CR1: variants seen among roughly 807,000 people sequenced by gnomAD.
CR1 encodes complement C3b/C4b receptor 1 (Knops blood group), also known as complement receptor type 1.
In CR1, 116 loss-of-function variants were observed where a neutral mutation model predicts 187.3. The ratio of observed to expected loss-of-function variants is 0.62; its 90% confidence interval spans 0.53 to 0.72. The LOEUF is 0.72. CR1 is among the 30% of genes least tolerant of loss of function. CR1 has a pLI of 0.00. For synonymous variants in CR1, 576 were observed against 747.1 expected (o/e 0.77, Z 3.73); for missense variants, 1,731 against 2,110.7 (o/e 0.82, Z 3.52).
intron 36 of CR1, among the ~76,000 whole-genome samples, chr1:207,608,298 A>G (rs1191839506): frequency 6.6e-6 from 1 of 152,216 alleles, no homozygotes; most frequent in African/African-American, 2.4e-5. Flanking sequence ...AAGTACATCT[A>G]TGTAGCTACA....
chr1:207,570,520 C>CCCAG (rs1317771580), intron 27 of CR1: 2 of 11,554 alleles, frequency 1.7e-4, no homozygotes, highest in African/African-American at 2.5e-3. Context: ...TCATTATTAT[C>CCCAG]ATGTCTGTGA....
Position 207,568,002 on chromosome 1 carries a change from T to A in CR1, c.4131T>A (p.Asn1377Lys), listed in dbSNP as rs1248982724. 1.2e-6 allele frequency: 2 copies of A among 1,610,610 alleles called. No homozygotes were observed. The highest frequency in any genetic ancestry group is 8.5e-7 in the Non-Finnish European group (1 of 1,179,590). Residue 1377 changes from asparagine (N) to lysine (K), a missense_variant, in exon 25 of 47, where the codon AAT becomes AAA. Around this residue, in one of 5 missense-constraint regions of CR1, gnomAD observed 1,312 missense variants for 1,379.6 expected, o/e 0.95. Coordinates refer to ENST00000367049, the MANE Select transcript of CR1 (RefSeq NM_000651.6). Reference sequence around the variant, plus strand: ...GCTGCACAAGTGACCCTCAAGGGAATGGGGTTTGGAGCAGCCCTGCCCCTC... The same window carrying A: ...GCTGCACAAGTGACCCTCAAGGGAAAGGGGTTTGGAGCAGCCCTGCCCCTC... The part of the protein sequence containing the change: ...TIRCTSDPQG[N>K]GVWSSPAPRC...
intron 27 of CR1, among the ~76,000 whole-genome samples, chr1:207,575,167 A>G (rs1245236728): frequency 6.6e-6 from 1 of 151,914 alleles, no homozygotes; most frequent in African/African-American, 2.4e-5. Flanking sequence ...TTGTATTTAT[A>G]AAAAACATGT....
At chr1:207,595,708 G>A (rs578244012) in intron 35 of CR1, among the ~76,000 whole-genome samples, 22 of 151,046 alleles carry the variant, frequency 1.5e-4, no homozygotes, top group African/African-American at 5.1e-4. Context: ...CCACAAAGCT[G>A]TGGGAGTTTT....
chr1:207,501,303 G>A (rs539033143), intron 1 of CR1, among the ~76,000 whole-genome samples: 3 of 152,124 alleles, frequency 2.0e-5, no homozygotes, highest in Non-Finnish European at 2.9e-5. Context: ...TGATGGAAAC[G>A]TTTATTGTCT....
intron 46 of CR1, among the ~76,000 whole-genome samples, chr1:207,634,500 T>C (rs1214376253): frequency 2.0e-5 from 3 of 152,086 alleles, no homozygotes; most frequent in African/African-American, 7.3e-5. Flanking sequence ...TCCAAAGACA[T>C]AGCTGTGTGT....
Position 207,563,304 on chromosome 1 carries a change from GAA to G in CR1, c.3587-559_3587-558del, listed in dbSNP as rs1460361106. Among the ~76,000 whole-genome samples, 6 of 37,954 alleles carry G rather than the reference GAA, an allele frequency of 1.6e-4. 3 individuals carry two copies. Among genetic ancestry groups the G allele is most frequent in the Admixed American group, 6.6e-4 (2 of 3,034 alleles). 24.9% of individuals were successfully genotyped at this position (37,954 alleles called of 152,430 possible). On this transcript the variant is annotated intron_variant, in intron 21 of 46. Transcript: ENST00000367049. ...CTAGGCAGCACCTGCTACATAGCAT[GAA>G]GAGAGGAGACCCATAGTTCTTTACC...
Position 207,616,404 on chromosome 1 carries a change from C to T in CR1, c.6662-171C>T, listed in dbSNP as rs558214829. Among the ~76,000 whole-genome samples, 4 of 152,330 alleles carry T rather than the reference C, an allele frequency of 2.6e-5. No individual in the cohort carries two copies. The East Asian group carries it at 7.7e-4, about 29-fold the overall frequency. On this transcript the variant is annotated intron_variant, in intron 40 of 46. Transcript: ENST00000367049. ...GCAATAAACTGTAATTTAGGTCTCACTTCAGTTAGTTGCCTCTCAACAAAA... is the reference window on the plus strand; with the variant it reads ...GCAATAAACTGTAATTTAGGTCTCATTTCAGTTAGTTGCCTCTCAACAAAA...
rs147654348 is a variant in CR1, at chr1:207,580,249, C to T, written c.4946C>T (p.Pro1649Leu). ...ELPSCSRVCQ[P>L]PPEILHGEHT... ...ACTGTCCTTTCCACAGTGTGTCAGC[C>T]GCCTCCAGAAATCCTGCATGGTGAG... The change falls in exon 30 of 47, where the codon CCG becomes CTG. Residue 1649 changes from proline to leucine, a missense_variant. Coordinates refer to ENST00000367049, the MANE Select transcript of CR1 (RefSeq NM_000651.6). The T allele has an allele frequency of 3.6e-4, 588 of 1,613,530 alleles. 5 individuals carry two copies. In the African/African-American group the frequency reaches 6.3e-3, roughly 17 times the overall value.
chr1:207,639,293 G>A (rs1194075788), intron 46 of CR1, 104 bp from the exon 47 acceptor site: 1 of 1,047,934 alleles, frequency 9.5e-7, no homozygotes, highest in African/African-American at 1.6e-5. Flanking sequence ...CTGTTATTGT[G>A]GAATAAAGTT....
intron 3 of CR1, among the ~76,000 whole-genome samples, chr1:207,507,825 C>G (rs868535505): frequency 4.0e-4 from 61 of 152,204 alleles, no homozygotes; most frequent in African/African-American, 1.4e-3. Flanking sequence ...AAAAAGAAAT[C>G]TGCACACAGA....
chr1:207,501,064 G>A (rs546102080), intron 1 of CR1, among the ~76,000 whole-genome samples: 3 of 152,256 alleles, frequency 2.0e-5, no homozygotes, highest in Non-Finnish European at 2.9e-5. Flanking sequence ...AGTGATTTAG[G>A]TTATATGAAA....
In CR1 at chr1:207,618,085, C is replaced by T; in HGVS notation, c.6904C>T (p.Pro2302Ser). Residue 2302 changes from proline to serine, a missense_variant, in exon 42 of 47, where the codon CCC becomes TCC. Physicochemically the swap from Pro to Ser is moderately conservative, Grantham distance 74. This residue lies in a region of CR1 where 1,312 missense variants were observed against 1,379.6 expected (regional missense o/e 0.95). Coordinates refer to ENST00000367049, the MANE Select transcript of CR1 (RefSeq NM_000651.6). ...LSVPAACPHP[P>S]KIQNGHYIGG... ...CTTGTTCTTAGCCTGCCCACATCCACCCAAGATCCAAAACGGGCATTACAT... is the reference window on the plus strand; with the variant it reads ...CTTGTTCTTAGCCTGCCCACATCCATCCAAGATCCAAAACGGGCATTACAT... The T allele has an allele frequency of 6.2e-7, 1 of 1,613,378 alleles. No homozygotes were observed. Among genetic ancestry groups the T allele is most frequent in the Non-Finnish European group, 8.5e-7 (1 of 1,179,574 alleles).
At chr1:207,612,838 C>A (rs558926252) in intron 39 of CR1, among the ~76,000 whole-genome samples, 1 of 152,322 alleles carries the variant, frequency 6.6e-6, no homozygotes, top group African/African-American at 2.4e-5. Flanking sequence ...CTGAAGGGAA[C>A]GTGGTGGTGC....
chr1:207,577,997 G>T lies in CR1; in HGVS notation c.4730G>T (p.Gly1577Val), dbSNP rs1295120917. Residue 1577 changes from glycine to valine, a missense_variant, in exon 29 of 47, where the codon GGC becomes GTC. Transcript: ENST00000367049. ...GACGATCAAGTGGGCATCTGGAGCG[G>T]CCCCGCCCCTCAGTGCATTATACCT... ...SNDDQVGIWS[G>V]PAPQCIIPNK... The T allele has an allele frequency of 3.1e-6, 5 of 1,611,814 alleles. No individual in the cohort carries two copies. In the South Asian group the frequency reaches 5.5e-5, roughly 18 times the overall value.
intron 35 of CR1, among the ~76,000 whole-genome samples, chr1:207,596,740 C>T (rs1661455181): frequency 6.7e-6 from 1 of 148,572 alleles, no homozygotes; most frequent in South Asian, 2.1e-4. Context: ...TAGGAAAAGG[C>T]TATTGCAAGT....
At chr1:207,600,666 C>G (rs1661577755) in intron 35 of CR1, 2 of 152,110 alleles carry the variant, frequency 1.3e-5, no homozygotes, top group Non-Finnish European at 2.9e-5. Context: ...GTGCATGTGC[C>G]TCAAGCATTC....
At chr1:207,634,416 G>A (rs1662748539) in intron 46 of CR1, among the ~76,000 whole-genome samples, 1 of 152,174 alleles carries the variant, frequency 6.6e-6, no homozygotes, top group South Asian at 2.1e-4. Context: ...TGCTAGTCAA[G>A]AAGTGAGTTA....
Position 207,630,598 on chromosome 1 carries a change from G to T in CR1, c.7434G>T (p.Leu2478=). The T allele has an allele frequency of 1.2e-6, 2 of 1,604,832 alleles. No homozygotes were observed. The highest frequency in any genetic ancestry group is 1.1e-5 in the South Asian group (1 of 88,580). ...QGGSSVHPRT[L]QTNEENSRVL... is the part of the protein sequence containing the mutation. Reference sequence around the variant, plus strand: ...GCAGCAGCGTTCATCCCCGAACTCTGCAAACAAATGAAGAAAATAGCAGGT... The same window carrying T: ...GCAGCAGCGTTCATCCCCGAACTCTTCAAACAAATGAAGAAAATAGCAGGT... The change falls in exon 46 of 47, where the codon CTG becomes CTT. Residue 2478 remains leucine (L), a synonymous_variant. Transcript: ENST00000367049.
Sources: gnomAD v4.1 joint callset for allele counts (sites outside exome capture counted in the v4.1 genomes callset) on GRCh38, gnomAD v4.1.1 for gene constraint, gnomAD v4.1.1 regional missense constraint, MANE v1.5 for transcripts, NCBI Gene and HGNC (gene_info 2026-07-23, HGNC 2026-07-21) for gene names.